MAP3K15: variants seen among roughly 807,000 people sequenced by gnomAD.
The protein encoded by MAP3K15 is mitogen-activated protein kinase kinase kinase 15.
In MAP3K15, 124 loss-of-function variants were observed where a neutral mutation model predicts 99.5. That is an observed-to-expected ratio of 1.25 (90% CI 1.08 to 1.45). The LOEUF (loss-of-function observed/expected upper bound fraction) is 1.45. Ranked by LOEUF, MAP3K15 falls within the 40% of genes most tolerant of loss-of-function variation. MAP3K15 has a pLI of 0.00. For missense variants in MAP3K15, 1,242 were observed against 1,079.7 expected, an observed-to-expected ratio of 1.15 and a Z score of -2.11; for synonymous variants, 494 against 439.6, an observed-to-expected ratio of 1.12 and a Z score of -1.55.
At chrX:19,394,958 G>A (rs746832944) in intron 16 of MAP3K15, 123 bp downstream of exon 16, 1 of 808,645 alleles carries the variant, frequency 1.2e-6, no homozygotes, top group East Asian at 3.8e-5. Context: ...CAAGTAACTG[G>A]GACTACAGGC....
chrX:19,426,134 G>T, intron 8 of MAP3K15, 97 bp downstream of exon 8: 1 of 454,460 alleles, frequency 2.2e-6, no homozygotes, highest in Non-Finnish European at 3.5e-6. Flanking sequence ...AAAAAGAATA[G>T]AAATATAATG....
Position 19,429,613 on chromosome X carries a change from G to A in MAP3K15, c.1166+1825C>T, listed in dbSNP as rs186245714. Among the ~76,000 whole-genome samples the A allele has an allele frequency of 6.8e-3, 742 of 109,783 alleles. 4 individuals are homozygous for A. Among genetic ancestry groups the A allele is most frequent in the Middle Eastern group, 0.018 (4 of 217 alleles). ...TGAGGTAGAACAGGTGGACAAAGGG[G>A]GGGAGGTGTAAGGCCATCACTTAGG... On this transcript the variant is annotated intron_variant, in intron 7 of 28. Coordinates refer to ENST00000338883, the MANE Select transcript of MAP3K15 (RefSeq NM_001001671.4).
chrX:19,404,332 T>G (rs1371730834), intron 13 of MAP3K15, among the ~76,000 whole-genome samples: 1 of 112,124 alleles, frequency 8.9e-6, no homozygotes, highest in Non-Finnish European at 1.9e-5. Flanking sequence ...TACAAAACTA[T>G]CATTGAAAGA....
intron 1 of MAP3K15, among the ~76,000 whole-genome samples, chrX:19,511,075 T>G (rs778828161): frequency 8.0e-5 from 9 of 111,898 alleles, no homozygotes; most frequent in East Asian, 2.8e-4. Context: ...GGGGAAAGGA[T>G]TCCCTATTTA....
chrX:19,418,654 C>G (rs2063756931), intron 9 of MAP3K15, among the ~76,000 whole-genome samples: 1 of 111,251 alleles, frequency 9.0e-6, no homozygotes, highest in Non-Finnish European at 1.9e-5. Flanking sequence ...ACTAGCAAGG[C>G]AGGCCAACAT....
chrX:19,376,167 T>C (rs1015928184), intron 19 of MAP3K15, among the ~76,000 whole-genome samples: 3 of 111,628 alleles, frequency 2.7e-5, no homozygotes, highest in African/African-American at 9.8e-5. Flanking sequence ...CTAGGGCCAC[T>C]GTAACAAAAT....
intron 1 of MAP3K15, among the ~76,000 whole-genome samples, chrX:19,512,622 A>G (rs772741989): frequency 1.9e-5 from 2 of 103,974 alleles, no homozygotes; most frequent in East Asian, 5.9e-4. Context: ...CCACAGGCAC[A>G]TGGGTGCCAC....
At chrX:19,480,695 G>A (rs1409647896) in intron 3 of MAP3K15, among the ~76,000 whole-genome samples, 2 of 104,611 alleles carry the variant, frequency 1.9e-5, no homozygotes, top group Non-Finnish European at 3.9e-5. Context: ...GCGTGGTAGC[G>A]GGCACCTGTG....
chrX:19,465,517 G>A (rs1189327563), intron 3 of MAP3K15, among the ~76,000 whole-genome samples: 1 of 107,227 alleles, frequency 9.3e-6, no homozygotes, highest in African/African-American at 3.4e-5. Flanking sequence ...AGGCAGAGGC[G>A]AGTGGATTAT....
rs376462803 is a variant in MAP3K15, at chrX:19,488,780, T to G, written c.501+48A>C. 145 of 1,140,086 alleles carry G rather than the reference T, an allele frequency of 1.3e-4. No homozygotes were observed. The African/African-American group carries it at 2.3e-3, about 18-fold the overall frequency. 94.0% of individuals were successfully genotyped at this position (1,140,086 alleles called of 1,213,427 possible). A position where few individuals can be genotyped will look rare whatever the true frequency, so the allele number is the denominator to read the frequency against. On this transcript the variant is annotated intron_variant, in intron 2 of 28. Transcript: ENST00000338883. ...GTGGCATTTCAGCTAGACATATAAT[T>G]CTGCTTTCCCAAAACAAAGTACTCA...
chrX:19,446,975 G>C (rs998696295), intron 6 of MAP3K15, among the ~76,000 whole-genome samples: 1 of 111,460 alleles, frequency 9.0e-6, no homozygotes, highest in African/African-American at 3.3e-5. Context: ...GAACGCAGTG[G>C]TACAATCATA....
intron 1 of MAP3K15, among the ~76,000 whole-genome samples, chrX:19,489,451 G>A (rs184254391): frequency 1.1e-4 from 12 of 110,829 alleles, no homozygotes; most frequent in Middle Eastern, 4.7e-3. Flanking sequence ...GTGTGTGTGC[G>A]CTATAGAATG....
chrX:19,514,801 GGAGGGGGACGGGGGAGAAGGGC>G lies in MAP3K15; in HGVS notation c.361+78_361+99del, dbSNP rs1408063031. ...GAGGGGGAGGGGAGGGGGACGAGGG[GGAGGGGGACGGGGGAGAAGGGC>G]GAGGGGGCGGGGCGGGTGCCCTGGC... On this transcript the variant is annotated intron_variant, in intron 1 of 28. Transcript: ENST00000338883. 213 of 177,637 alleles carry G rather than the reference GGAGGGGGACGGGGGAGAAGGGC, an allele frequency of 1.2e-3. 2 individuals are homozygous for G. Among genetic ancestry groups the G allele is most frequent in the African/African-American group, 5.3e-3 (73 of 13,904 alleles). The allele number at this position is 177,637 out of a possible 1,213,427, so 14.6% of individuals were successfully genotyped here.
rs193284701 is a variant in MAP3K15, at chrX:19,486,403, C to T, written c.525+79G>A. ...ATTAGAAGTCATCTTGCTACCTGGG[C>T]GATTTTCAGGCAAGCATTTTACAAA... On this transcript the variant is annotated intron_variant, in intron 3 of 28. Transcript: ENST00000338883. 105 of 418,459 alleles carry T rather than the reference C, an allele frequency of 2.5e-4. No homozygotes were observed. In the East Asian group the frequency reaches 3.2e-3, roughly 13 times the overall value. 34.5% of individuals were successfully genotyped at this position (418,459 alleles called of 1,213,427 possible).
chrX:19,451,796 G>A (rs1348967629), intron 6 of MAP3K15, among the ~76,000 whole-genome samples: 2 of 110,056 alleles, frequency 1.8e-5, no homozygotes, highest in African/African-American at 6.6e-5. Context: ...AGGCATGGTG[G>A]TTCATGCCTG....
intron 18 of MAP3K15, among the ~76,000 whole-genome samples, chrX:19,387,899 C>A (rs1448486862): frequency 8.9e-6 from 1 of 112,511 alleles, no homozygotes; most frequent in Non-Finnish European, 1.9e-5. Flanking sequence ...CCCCTGCCCA[C>A]GACACAGGAG....
intron 18 of MAP3K15, among the ~76,000 whole-genome samples, chrX:19,389,053 T>C (rs1165866464): frequency 2.7e-5 from 3 of 110,420 alleles, no homozygotes; most frequent in East Asian, 2.8e-4. Context: ...ACCCCACATA[T>C]TGTATTCATT....
chrX:19,401,727 G>C (rs937641541), intron 13 of MAP3K15, among the ~76,000 whole-genome samples: 3 of 82,219 alleles, frequency 3.6e-5, no homozygotes, highest in Admixed American at 2.2e-4. Flanking sequence ...ATTCTACTGG[G>C]CCACGTGGGC....
At chrX:19,507,764 T>TTGATG (rs2064489446) in intron 1 of MAP3K15, among the ~76,000 whole-genome samples, 1 of 108,666 alleles carries the variant, frequency 9.2e-6, no homozygotes, top group Non-Finnish European at 1.9e-5. Context: ...GGCAGAGGGG[T>TTGATG]TGATGGGAAC....
Sources: allele counts gnomAD v4.1 joint callset (sites outside exome capture counted in the v4.1 genomes callset), GRCh38; gene constraint gnomAD v4.1.1; transcripts MANE v1.5; gene names NCBI Gene and HGNC (gene_info 2026-07-23, HGNC 2026-07-21).